The following MAPK10 variants were observed in gnomAD, a reference collection of about 807,000 sequenced individuals.
MAPK10 encodes the protein JNK3 alpha protein kinase.
A neutral mutation model predicts 59.3 loss-of-function variants in MAPK10; 25 were observed. The observed-to-expected ratio is 0.42, with a 90% CI of 0.31 to 0.59. The LOEUF is 0.59. Ranked by LOEUF, MAPK10 falls within the 20% of genes least tolerant of loss-of-function variation. The pLI is 0.15. For missense variants in MAPK10, 351 were observed against 568.9 expected, an observed-to-expected ratio of 0.62 and a Z score of 3.90; for synonymous variants, 190 against 200.5, an observed-to-expected ratio of 0.95 and a Z score of 0.44.
chr4:86,549,346 T>C (rs570766978), intron 1 of MAPK10, among the ~76,000 whole-genome samples: 1 of 152,320 alleles, frequency 6.6e-6, no homozygotes, highest in South Asian at 2.1e-4. Context: ...ACTATACAAC[T>C]AGGCTGTATG....
At position 86,267,664 on chromosome 4, in the gene MAPK10, T is replaced by C. The variant is rs114305397; in HGVS notation, c.-6-73257A>G. ...CTCCAATAAGTCAAACACACACCCG[T>C]TTCATGATTTTTGCACTTGCTTTTC... is the stretch of plus-strand genomic sequence containing the variant. On this transcript the variant is annotated intron_variant, in intron 2 of 13. Coordinates refer to ENST00000641462, the MANE Select transcript of MAPK10 (RefSeq NM_138982.4). Among the ~76,000 whole-genome samples, 884 of 152,188 alleles carry C rather than the reference T, an allele frequency of 5.8e-3. 8 individuals are homozygous for C. Among genetic ancestry groups the C allele is most frequent in the African/African-American group, 0.02 (832 of 41,518 alleles).
intron 4 of MAPK10, among the ~76,000 whole-genome samples, chr4:86,158,263 C>A (rs1422535759): frequency 6.6e-6 from 1 of 151,732 alleles, no homozygotes; most frequent in African/African-American, 2.4e-5. Flanking sequence ...GAAATAGATT[C>A]TCTTCCAGCA....
intron 11 of MAPK10, among the ~76,000 whole-genome samples, chr4:86,059,327 C>T (rs1377565832): frequency 6.6e-6 from 1 of 152,076 alleles, no homozygotes; most frequent in Non-Finnish European, 1.5e-5. Context: ...AATTCTTTCA[C>T]CGTAGGCAAA....
chr4:86,320,939 C>G (rs2095876518), intron 2 of MAPK10, among the ~76,000 whole-genome samples: 1 of 151,180 alleles, frequency 6.6e-6, no homozygotes, highest in African/African-American at 2.4e-5. Context: ...TGAACAGACA[C>G]TTCTCAAAAG....
chr4:86,284,423 C>A (rs375590185), intron 2 of MAPK10, among the ~76,000 whole-genome samples: 4 of 152,114 alleles, frequency 2.6e-5, no homozygotes, highest in African/African-American at 9.7e-5. Flanking sequence ...TTCCTCTGAA[C>A]GACTTCCATT....
upstream of MAPK10, chr4:86,360,080 G>C: frequency 8.1e-6 from 8 of 985,928 alleles, no homozygotes; most frequent in Non-Finnish European, 9.6e-6. Flanking sequence ...GACGGACAGA[G>C]GGCTTGGGGA....
At chr4:86,428,749 A>C (rs116610765) in intron 1 of MAPK10, among the ~76,000 whole-genome samples, 113 of 152,338 alleles carry the variant, frequency 7.4e-4, no homozygotes, top group African/African-American at 2.7e-3. Context: ...AACATTTCAC[A>C]ATTTCTTTTT....
chr4:86,500,312 C>A (rs975419102), intron 1 of MAPK10, among the ~76,000 whole-genome samples: 1 of 152,080 alleles, frequency 6.6e-6, no homozygotes, highest in Non-Finnish European at 1.5e-5. Context: ...GCTAGAATAC[C>A]CAGATCATAT....
chr4:86,190,604 T>A (rs1296046841), intron 3 of MAPK10, among the ~76,000 whole-genome samples: 3 of 152,180 alleles, frequency 2.0e-5, no homozygotes, highest in Non-Finnish European at 4.4e-5. Flanking sequence ...CCCTTCTTCA[T>A]TTTTTATTGT....
At chr4:86,209,116 C>G (rs1384273837) in intron 2 of MAPK10, among the ~76,000 whole-genome samples, 1 of 151,928 alleles carries the variant, frequency 6.6e-6, no homozygotes, top group Non-Finnish European at 1.5e-5. Context: ...AAGGAGAGAT[C>G]GTGTTCATTA....
chr4:86,240,941 T>C (rs548382501), intron 2 of MAPK10, among the ~76,000 whole-genome samples: 1 of 152,360 alleles, frequency 6.6e-6, no homozygotes, highest in South Asian at 2.1e-4. Context: ...CATTGGTCTT[T>C]ATATTTTGGT....
Position 86,017,129 on chromosome 4 carries a change from TTGTGTGTCTGCATTTGTGTGTGTG to T in MAPK10, c.*75_*98del, listed in dbSNP as rs1743626424. The T allele has an allele frequency of 4.7e-6, 6 of 1,289,908 alleles. No homozygotes were observed. Among genetic ancestry groups the T allele is most frequent in the Admixed American group, 2.1e-5 (1 of 47,552 alleles). 79.9% of individuals were successfully genotyped at this position (1,289,908 alleles called of 1,614,324 possible). A position where few individuals can be genotyped will look rare whatever the true frequency, so the allele number is the denominator to read the frequency against. On this transcript the variant is annotated 3_prime_UTR_variant, in exon 14 of 14. Transcript: ENST00000641462. This position sits in a 1 kb window ranked among gnomAD's most constrained non-coding sequence, Gnocchi z 4.4. ...TCTCTCCCTTGCTGTTTTCTTGATG[TTGTGTGTCTGCATTTGTGTGTGTG>T]TGTGTGTCTGCGTGTGTGTGTGTTC...
intron 1 of MAPK10, among the ~76,000 whole-genome samples, chr4:86,437,212 TCAAA>T (rs1748866644): frequency 1.0e-5 from 1 of 100,366 alleles, no homozygotes. Flanking sequence ...AGACTCTGTC[TCAAA>T]AAAAAAAAAA....
chr4:86,169,331 A>C (rs1057231373), intron 3 of MAPK10, among the ~76,000 whole-genome samples: 15 of 152,178 alleles, frequency 9.9e-5, no homozygotes, highest in Non-Finnish European at 2.1e-4. Context: ...ATTTAGACGA[A>C]TGTATAACTA....
Position 86,135,607 on chromosome 4 carries a change from G to A in MAPK10, c.236+23691C>T, listed in dbSNP as rs1055478350. ...GGGGAAAAAACAGAACAGAAAAACCGGAAACTCTAAAAAGCAGAGCGCCTC... is the reference window on the plus strand; with the variant it reads ...GGGGAAAAAACAGAACAGAAAAACCAGAAACTCTAAAAAGCAGAGCGCCTC... On this transcript the variant is annotated intron_variant, in intron 4 of 13. Transcript: ENST00000641462. 6.7e-4 allele frequency among the ~76,000 whole-genome samples: 102 copies of A among 152,216 alleles called. 1 individual carries two copies. The highest frequency in any genetic ancestry group is 1.9e-4 in the East Asian group (1 of 5,180).
chr4:86,243,720 TCTC>T (rs1374303461), intron 2 of MAPK10, among the ~76,000 whole-genome samples: 1 of 151,484 alleles, frequency 6.6e-6, no homozygotes, highest in East Asian at 1.9e-4. Flanking sequence ...ATTTAAAACT[TCTC>T]CCCACCTCCC....
rs376369672 is a variant in MAPK10 at position 86,132,230 on chromosome 4, T to C, written c.237-24878A>G. Among the ~76,000 whole-genome samples, 7 of 152,232 alleles carry C rather than the reference T, an allele frequency of 4.6e-5. No individual in the cohort carries two copies. The East Asian group carries it at 1.3e-3, about 29-fold the overall frequency. On this transcript the variant is annotated intron_variant, in intron 4 of 13. Transcript: ENST00000641462. ...CATGTATGAAACTTGGATATAAATC[T>C]TCTGTAACTTTATTACTGATGTATG...
At chr4:86,243,723 C>G (rs13148508) in intron 2 of MAPK10, among the ~76,000 whole-genome samples, 1 of 149,774 alleles carries the variant, frequency 6.7e-6, no homozygotes, top group African/African-American at 2.5e-5. Context: ...TAAAACTTCT[C>G]CCCACCTCCC....
chr4:86,469,318 G>T (rs1752475184), intron 1 of MAPK10, among the ~76,000 whole-genome samples: 1 of 152,210 alleles, frequency 6.6e-6, no homozygotes, highest in Non-Finnish European at 1.5e-5. Context: ...GGCTTCAGCA[G>T]AATCTAATGA....
Sources: gnomAD v4.1 joint callset for allele counts (sites outside exome capture counted in the v4.1 genomes callset) on GRCh38, gnomAD v4.1.1 for gene constraint, Gnocchi (gnomAD v3.1) non-coding constraint, MANE v1.5 for transcripts, NCBI Gene and HGNC (gene_info 2026-07-23, HGNC 2026-07-21) for gene names.